Variants in GLRA2 observed in about 807,000 individuals in gnomAD.
GLRA2 encodes the protein glycine receptor alpha 2, also known as glycine receptor subunit alpha-2.
Under a neutral mutation model 31.6 loss-of-function variants are expected in GLRA2, and 11 were observed. That is an observed-to-expected ratio of 0.35 (90% CI 0.22 to 0.58). GLRA2 has a LOEUF of 0.58. GLRA2 is among the 20% of genes least tolerant of loss of function. The pLI, the probability that GLRA2 is intolerant of heterozygous loss-of-function variation, is 0.84. For missense variants in GLRA2, 212 were observed against 351.8 expected (o/e 0.60, Z 3.18); for synonymous variants, 132 against 134.0 (o/e 0.99, Z 0.10).
chrX:14,570,013 C>A lies in GLRA2; in HGVS notation c.203-4320C>A, dbSNP rs766055693. ...TCAGTCACAAAGGACAAATATTATA[C>A]GGTTCCACTTACATTAAATATCCTA... On this transcript the variant is annotated intron_variant, in intron 2 of 8. Coordinates refer to ENST00000218075, the MANE Select transcript of GLRA2 (RefSeq NM_002063.4). Among the ~76,000 whole-genome samples the A allele has an allele frequency of 3.8e-4, 43 of 111,987 alleles. 1 individual carries two copies. Among genetic ancestry groups the A allele is most frequent in the Non-Finnish European group, 6.6e-4 (35 of 53,200 alleles).
At chrX:14,654,221 A>G (rs2090918230) in intron 7 of GLRA2, among the ~76,000 whole-genome samples, 1 of 111,914 alleles carries the variant, frequency 8.9e-6, no homozygotes, top group Non-Finnish European at 1.9e-5. Flanking sequence ...ATCAATGTCA[A>G]GACAAGACCA....
chrX:14,558,208 G>A (rs1004751062), intron 2 of GLRA2, among the ~76,000 whole-genome samples: 5 of 111,561 alleles, frequency 4.5e-5, no homozygotes, highest in African/African-American at 1.6e-4. Flanking sequence ...TCCAATGAAC[G>A]CACAATAATG....
At chrX:14,457,305 C>T in the GLRA2 span, among the ~76,000 whole-genome samples, 2 of 111,378 alleles carry the variant, frequency 1.8e-5, no homozygotes, top group African/African-American at 6.5e-5. Flanking sequence ...CACCCATCAA[C>T]CCGTCACCTA....
intron 4 of GLRA2, among the ~76,000 whole-genome samples, chrX:14,587,815 T>C (rs2085466112): frequency 8.9e-6 from 1 of 112,076 alleles, no homozygotes; most frequent in African/African-American, 3.2e-5. Flanking sequence ...TGGCAACTTT[T>C]GTTTTTGTTA....
intron 7 of GLRA2, among the ~76,000 whole-genome samples, chrX:14,640,889 G>A (rs1022305872): frequency 9.0e-6 from 1 of 110,550 alleles, no homozygotes; most frequent in African/African-American, 3.3e-5. Flanking sequence ...ATATATATAG[G>A]AGTAGAGTTG....
At chrX:14,679,291 A>G (rs996402502) in intron 7 of GLRA2, among the ~76,000 whole-genome samples, 1 of 110,868 alleles carries the variant, frequency 9.0e-6, no homozygotes, top group African/African-American at 3.3e-5. Context: ...GAGATGTTGG[A>G]GAGCCTAGAA....
the GLRA2 span, among the ~76,000 whole-genome samples, chrX:14,467,337 G>A: frequency 8.9e-6 from 1 of 111,991 alleles, no homozygotes; most frequent in Non-Finnish European, 1.9e-5. Flanking sequence ...TGCAGCCTGA[G>A]TAGTACTATG....
intron 7 of GLRA2, among the ~76,000 whole-genome samples, chrX:14,650,358 TTC>T (rs1318502696): frequency 9.1e-6 from 1 of 110,323 alleles, no homozygotes; most frequent in Admixed American, 9.6e-5. Context: ...GCAAATTAAG[TTC>T]TGTTCAGAAA....
chrX:14,680,896 G>A (rs192281796), intron 7 of GLRA2, among the ~76,000 whole-genome samples: 198 of 111,995 alleles, frequency 1.8e-3, no homozygotes, highest in African/African-American at 6.0e-3. Context: ...AGGAAGAGGA[G>A]GAATGATGGT....
Position 14,625,177 on chromosome X carries a change from T to G in GLRA2, c.930+15972T>G, listed in dbSNP as rs151289906. Among the ~76,000 whole-genome samples, 144 of 111,269 alleles carry G rather than the reference T, an allele frequency of 1.3e-3. 3 individuals carry two copies. In the East Asian group the frequency reaches 0.024, roughly 19 times the overall value. ...AGAGACTAGGATTGCAACCCCTGCT[T>G]TTTTTTGTTTTCCATTTGCTTGGTA... is the stretch of plus-strand genomic sequence containing the variant. On this transcript the variant is annotated intron_variant, in intron 7 of 8. Coordinates refer to ENST00000218075, the MANE Select transcript of GLRA2 (RefSeq NM_002063.4).
At chrX:14,587,870 G>A (rs1173210691) in intron 4 of GLRA2, among the ~76,000 whole-genome samples, 1 of 110,222 alleles carries the variant, frequency 9.1e-6, no homozygotes, top group African/African-American at 3.3e-5. Context: ...TCCAAGGCCA[G>A]TGTCAAGAAT....
rs369454978 is a variant in GLRA2, at chrX:14,730,443, C to G, written c.1317C>G (p.Ile439Met). 8.3e-7 allele frequency: 1 copy of G among 1,206,890 alleles called. No individual in the cohort carries two copies. Among genetic ancestry groups the G allele is most frequent in the Non-Finnish European group, 1.1e-6 (1 of 891,472 alleles). Reference sequence around the variant, plus strand: ...TCATTTTCAACATCTTTTACTGGATCACATACAAGATCATTCGGCATGAAG... The same window carrying G: ...TCATTTTCAACATCTTTTACTGGATGACATACAAGATCATTCGGCATGAAG... The part of the protein sequence containing the change: ...AFLIFNIFYW[I>M]TYKIIRHEDV... The change falls in exon 9 of 9, where the codon ATC becomes ATG. Residue 439 changes from isoleucine to methionine, a missense_variant. Physicochemically the swap from Ile to Met is conservative, Grantham distance 10. Coordinates refer to ENST00000218075, the MANE Select transcript of GLRA2 (RefSeq NM_002063.4).
chrX:14,696,030 G>C (rs764663468), intron 8 of GLRA2, among the ~76,000 whole-genome samples: 1 of 110,274 alleles, frequency 9.1e-6, no homozygotes, highest in Admixed American at 9.8e-5. Context: ...TGAGATAACA[G>C]GTACTTCGGT....
At chrX:14,507,686 A>ATTTTTTTTTTTTTTTTTTTTT in the GLRA2 span, among the ~76,000 whole-genome samples, 4 of 56,034 alleles carry the variant, frequency 7.1e-5, no homozygotes, top group African/African-American at 1.9e-4. Context: ...TACGAAAGAC[A>ATTTTTTTTTTTTTTTTTTTTT]TTCTTTTTTT....
intron 4 of GLRA2, among the ~76,000 whole-genome samples, chrX:14,583,265 C>T (rs2090043784): frequency 8.9e-6 from 1 of 112,190 alleles, no homozygotes; most frequent in African/African-American, 3.2e-5. Flanking sequence ...TTGGCAATTT[C>T]TCAAACAAAG....
intron 7 of GLRA2, among the ~76,000 whole-genome samples, chrX:14,649,568 T>C (rs1370834809): frequency 8.9e-6 from 1 of 111,942 alleles, no homozygotes; most frequent in Non-Finnish European, 1.9e-5. Context: ...TAGCAAGAAT[T>C]AGAGATGGAG....
intron 7 of GLRA2, among the ~76,000 whole-genome samples, chrX:14,653,538 T>A (rs2147140712): frequency 8.9e-6 from 1 of 112,311 alleles, no homozygotes; most frequent in Admixed American, 9.5e-5. Context: ...ATTGCTGCAA[T>A]CTCATAGTAA....
the GLRA2 span, among the ~76,000 whole-genome samples, chrX:14,477,276 A>T: frequency 8.9e-6 from 1 of 112,080 alleles, no homozygotes; most frequent in East Asian, 2.8e-4. Flanking sequence ...AAAAGAAAAA[A>T]GTTTATTTAA....
chrX:14,662,806 C>T (rs1431472447), intron 7 of GLRA2, among the ~76,000 whole-genome samples: 1 of 111,590 alleles, frequency 9.0e-6, no homozygotes, highest in African/African-American at 3.2e-5. Context: ...TGACAGAGCA[C>T]GGAATGTCTT....
Sources: allele counts gnomAD v4.1 joint callset (sites outside exome capture counted in the v4.1 genomes callset), GRCh38; gene constraint gnomAD v4.1.1; transcripts MANE v1.5; gene names NCBI Gene and HGNC (gene_info 2026-07-23, HGNC 2026-07-21).